MCHR2: variants seen among roughly 807,000 people sequenced by gnomAD.
MCHR2 encodes melanin concentrating hormone receptor 2.
Under a neutral mutation model 24.8 loss-of-function variants are expected in MCHR2, and 15 were observed. The ratio of observed to expected loss-of-function variants is 0.60; its 90% CI spans 0.40 to 0.93. The LOEUF (loss-of-function observed/expected upper bound fraction) is 0.93. Ranked by LOEUF, MCHR2 falls within the 40% of genes least tolerant of loss-of-function variation. MCHR2 has a pLI of 0.00. For missense variants in MCHR2, 386 were observed against 408.7 expected (o/e 0.94, Z 0.48); for synonymous variants, 151 against 147.6 (o/e 1.02, Z -0.17).
At chr6:99,975,732 A>T (rs1162531241) in intron 1 of MCHR2, among the ~76,000 whole-genome samples, 2 of 152,224 alleles carry the variant, frequency 1.3e-5, no homozygotes, top group Admixed American at 1.3e-4. Context: ...AAAGTCGGGA[A>T]TGTATTTTAA....
At chr6:99,956,263 C>CT (rs1775059562) in intron 1 of MCHR2, 89 bp from the exon 2 acceptor site, 3 of 962,384 alleles carry the variant, frequency 3.1e-6, no homozygotes, top group Non-Finnish European at 3.0e-6. Flanking sequence ...TTTGGAACCT[C>CT]TTTTTTAAAA....
chr6:99,954,658 G>T (rs988692039), intron 2 of MCHR2, among the ~76,000 whole-genome samples: 5 of 152,064 alleles, frequency 3.3e-5, no homozygotes, highest in Admixed American at 2.0e-4. Context: ...GGTGTTAATG[G>T]TCATATTTTT....
chr6:99,922,970 A>G (rs1431759037), intron 5 of MCHR2, among the ~76,000 whole-genome samples: 41 of 151,970 alleles, frequency 2.7e-4, no homozygotes, highest in Non-Finnish European at 5.9e-5. Context: ...GAATCCGTAG[A>G]TTGCTTTGGG....
chr6:99,959,242 AAG>A (rs1456782564), intron 1 of MCHR2, among the ~76,000 whole-genome samples: 2 of 152,104 alleles, frequency 1.3e-5, no homozygotes, highest in African/African-American at 4.8e-5. Flanking sequence ...CCAATGGAAA[AAG>A]AAATTATGCG....
At chr6:99,929,813 T>C in intron 5 of MCHR2, among the ~76,000 whole-genome samples, 1 of 150,778 alleles carries the variant, frequency 6.6e-6, no homozygotes, top group Non-Finnish European at 1.5e-5. Context: ...CTGTGTCTTT[T>C]AATTGGAGCA....
chr6:99,952,763 G>A (rs1774988442), intron 2 of MCHR2, among the ~76,000 whole-genome samples: 1 of 152,042 alleles, frequency 6.6e-6, no homozygotes, highest in South Asian at 2.1e-4. Context: ...ATACATTTTT[G>A]GAGAGCCATG....
At position 99,971,260 on chromosome 6, in the gene MCHR2, T is replaced by C. The variant is rs573758231; in HGVS notation, c.-27-15086A>G. Among the ~76,000 whole-genome samples the C allele has an allele frequency of 2.1e-4, 32 of 152,002 alleles. No individual in the cohort carries two copies. In the South Asian group the frequency reaches 2.9e-3, roughly 14 times the overall value. On this transcript the variant is annotated intron_variant, in intron 1 of 5. Transcript: ENST00000281806. ...TTGAGCAGTGGTTTGTAGTTCTCCT[T>C]GAAGAGGTCCTTCATGTCCCTTGTA...
At position 99,982,465 on chromosome 6, in the gene MCHR2, C is replaced by CAGAAAAA. The variant is rs1363716529; in HGVS notation, c.-28+11464_-28+11470dup. Among the ~76,000 whole-genome samples the CAGAAAAA allele has an allele frequency of 8.8e-3, 80 of 9,122 alleles. 8 individuals are homozygous for CAGAAAAA. Among genetic ancestry groups the CAGAAAAA allele is most frequent in the East Asian group, 0.031 (16 of 508 alleles). 6.0% of individuals were successfully genotyped at this position (9,122 alleles called of 152,430 possible). A position where few individuals can be genotyped will look rare whatever the true frequency, so the allele number is the denominator to read the frequency against. On this transcript the variant is annotated intron_variant, in intron 1 of 5. Transcript: ENST00000281806. The stretch of plus-strand genomic sequence containing the variant: ...GCAATATGGAGAAACCTTGTCTGTA[C>CAGAAAAA]AGAAAAAAAAAAAAAAAAAAAAAAA...
intron 1 of MCHR2, among the ~76,000 whole-genome samples, chr6:99,972,454 T>C (rs1211762609): frequency 6.6e-6 from 1 of 152,212 alleles, no homozygotes; most frequent in Non-Finnish European, 1.5e-5. Flanking sequence ...TTCTCTCTTT[T>C]CTTCTTTATT....
chr6:99,942,660 T>C (rs753972391), intron 4 of MCHR2, among the ~76,000 whole-genome samples: 5 of 152,184 alleles, frequency 3.3e-5, no homozygotes, highest in Non-Finnish European at 5.9e-5. Context: ...CTCCCTTGAT[T>C]GCTGCATTCC....
rs750223539 is a variant in MCHR2 at position 99,943,042 on chromosome 6, G to T, written c.494C>A (p.Ala165Glu). ...LGLWAASFIL[A>E]LPVWVYSKVI... The stretch of plus-strand genomic sequence containing the variant: ...CTTCGAGTAGACCCAGACAGGCAAT[G>T]CCAGGATAAAGGAAGCTGCCCAAAG... The change falls in exon 4 of 6, where the codon GCA becomes GAA. Residue 165 changes from alanine to glutamate, a missense_variant. Coordinates refer to ENST00000281806, the MANE Select transcript of MCHR2 (RefSeq NM_001040179.2). The T allele has an allele frequency of 6.2e-7, 1 of 1,613,204 alleles. No homozygotes were observed. The highest frequency in any genetic ancestry group is 1.1e-5 in the South Asian group (1 of 91,024).
intron 1 of MCHR2, among the ~76,000 whole-genome samples, chr6:99,966,489 C>T (rs186715025): frequency 6.6e-6 from 1 of 152,192 alleles, no homozygotes; most frequent in African/African-American, 2.4e-5. Flanking sequence ...GAAAAATAAT[C>T]TACTTGTCTT....
chr6:99,980,573 G>A (rs1054672122), intron 1 of MCHR2, among the ~76,000 whole-genome samples: 5 of 149,156 alleles, frequency 3.4e-5, no homozygotes, highest in South Asian at 2.1e-4. Context: ...GTGCGCTCAC[G>A]CACATGAGTG....
At chr6:99,934,040 AG>A (rs1045693779) in intron 5 of MCHR2, among the ~76,000 whole-genome samples, 9 of 152,256 alleles carry the variant, frequency 5.9e-5, no homozygotes, top group African/African-American at 2.2e-4. Context: ...AAAAATTAAA[AG>A]GTTGCACATA....
intron 5 of MCHR2, among the ~76,000 whole-genome samples, chr6:99,931,783 C>T (rs550762779): frequency 3.5e-4 from 53 of 152,286 alleles, no homozygotes; most frequent in Non-Finnish European, 5.4e-4. Flanking sequence ...TGACCCCTTG[C>T]GCTTCCCAAG....
chr6:99,951,372 G>A (rs1430768993), intron 2 of MCHR2, among the ~76,000 whole-genome samples: 1 of 152,128 alleles, frequency 6.6e-6, no homozygotes, highest in African/African-American at 2.4e-5. Context: ...ACAGACCTGC[G>A]TGATTAGAGA....
At chr6:99,927,031 T>C (rs1380562126) in intron 5 of MCHR2, among the ~76,000 whole-genome samples, 2 of 152,302 alleles carry the variant, frequency 1.3e-5, no homozygotes, top group East Asian at 1.9e-4. Context: ...AAGGAAGGGA[T>C]CCAGTTTCAG....
intron 1 of MCHR2, among the ~76,000 whole-genome samples, chr6:99,956,591 A>T (rs1207571769): frequency 6.6e-6 from 1 of 152,130 alleles, no homozygotes; most frequent in Non-Finnish European, 1.5e-5. Context: ...TATAAAATGC[A>T]TGGGGTCTAC....
intron 2 of MCHR2, among the ~76,000 whole-genome samples, chr6:99,955,473 C>G (rs1455262365): frequency 4.6e-5 from 7 of 152,170 alleles, no homozygotes; most frequent in Non-Finnish European, 8.8e-5. Context: ...CTGGTGATAA[C>G]ATAAAGTCTC....
Sources: allele counts gnomAD v4.1 joint callset (sites outside exome capture counted in the v4.1 genomes callset), GRCh38; gene constraint gnomAD v4.1.1; transcripts MANE v1.5; gene names NCBI Gene and HGNC (gene_info 2026-07-23, HGNC 2026-07-21).